ADAM32: variants seen among roughly 807,000 people sequenced by gnomAD.
ADAM32 encodes ADAM metallopeptidase domain 32.
In ADAM32, 89 loss-of-function variants were observed where a neutral mutation model predicts 114.9. The ratio of observed to expected loss-of-function variants is 0.77; its 90% CI spans 0.65 to 0.92. The LOEUF (loss-of-function observed/expected upper bound fraction) is 0.92, where lower values mean the gene tolerates loss of function less well. Among genes scored for constraint, ADAM32 ranks in the 40% least tolerant of loss-of-function variants. The probability of loss-of-function intolerance (pLI) is 0.00; values close to 1 mark genes in which losing one functional copy is unlikely to be tolerated. For missense variants in ADAM32, 870 were observed against 932.8 expected, an observed-to-expected ratio of 0.93 and a Z score of 0.88; for synonymous variants, 285 against 307.5, an observed-to-expected ratio of 0.93 and a Z score of 0.77.
intron 2 of ADAM32, among the ~76,000 whole-genome samples, chr8:39,132,272 A>T (rs181872005): frequency 3.3e-5 from 5 of 152,242 alleles, no homozygotes; most frequent in African/African-American, 1.2e-4. Flanking sequence ...GATCATTTGC[A>T]TCAAATATAG....
In ADAM32 at chr8:39,232,036, A is replaced by G. The variant is rs201876332; in HGVS notation, c.1535A>G (p.Asn512Ser). ...TTTCTAACTTTAACAGGTTCAAGAA[A>G]TGCTCCATTTGCCTGCTATGAAGAA... ...CESVFGKGSR[N>S]APFACYEEIQ... The change falls in exon 15 of 25, where the codon AAT (asparagine) becomes AGT (serine). Residue 512 changes from asparagine to serine, a missense_variant. Physicochemically the swap from Asn to Ser is conservative, Grantham distance 46. Transcript: ENST00000379907. 7.8e-5 allele frequency: 125 copies of G among 1,610,184 alleles called. No individual in the cohort carries two copies. The highest frequency in any genetic ancestry group is 1.0e-4 in the Non-Finnish European group (120 of 1,177,978).
chr8:39,190,054 G>A (rs542807632), intron 11 of ADAM32, among the ~76,000 whole-genome samples: 10 of 152,252 alleles, frequency 6.6e-5, no homozygotes, highest in African/African-American at 2.4e-4. Flanking sequence ...TCCTGACCTC[G>A]TGATCCGCCT....
chr8:39,158,893 ACT>A (rs1804322868), intron 6 of ADAM32, among the ~76,000 whole-genome samples: 2 of 151,490 alleles, frequency 1.3e-5, no homozygotes, highest in South Asian at 2.1e-4. Flanking sequence ...TTTTATGGAT[ACT>A]CTCTATTTGG....
intron 12 of ADAM32, chr8:39,220,876 T>C: frequency 6.6e-6 from 1 of 152,038 alleles, no homozygotes; most frequent in East Asian, 1.9e-4. Flanking sequence ...ATGAAAATAA[T>C]ATGTATTCTA....
chr8:39,204,201 C>G, intron 11 of ADAM32, among the ~76,000 whole-genome samples: 1 of 152,136 alleles, frequency 6.6e-6, no homozygotes, highest in Non-Finnish European at 1.5e-5. Flanking sequence ...TGGGGAAGTT[C>G]TCCTGGATAA....
rs936350412 is a variant in ADAM32 at position 39,270,699 on chromosome 8, G to A, written c.2163-177G>A. Among the ~76,000 whole-genome samples the A allele has an allele frequency of 2.0e-5, 3 of 151,976 alleles. No homozygotes were observed. The South Asian group carries it at 6.3e-4, about 32-fold the overall frequency. Reference sequence around the variant, plus strand: ...GCCCTTCTTATGGATGAGGTATATGGGTAAATAAAAATGTTATTTATTTGC... The same window carrying A: ...GCCCTTCTTATGGATGAGGTATATGAGTAAATAAAAATGTTATTTATTTGC... On this transcript the variant is annotated intron_variant, in intron 19 of 24. Coordinates refer to ENST00000379907, the MANE Select transcript of ADAM32 (RefSeq NM_145004.7).
chr8:39,129,102 C>G (rs985465976), intron 2 of ADAM32, among the ~76,000 whole-genome samples: 3 of 145,772 alleles, frequency 2.1e-5, no homozygotes, highest in Non-Finnish European at 3.0e-5. Flanking sequence ...CTAATTTGTT[C>G]ATTGGTTCTC....
intron 11 of ADAM32, among the ~76,000 whole-genome samples, chr8:39,200,356 A>C (rs1276131670): frequency 3.9e-5 from 6 of 152,072 alleles, no homozygotes; most frequent in Non-Finnish European, 8.8e-5. Flanking sequence ...TTTGATTTGC[A>C]TTTCTCTGAT....
At chr8:39,127,097 T>C (rs545328645) in intron 2 of ADAM32, among the ~76,000 whole-genome samples, 7 of 152,274 alleles carry the variant, frequency 4.6e-5, no homozygotes, top group Admixed American at 3.9e-4. Flanking sequence ...ATTTTTGCAC[T>C]GATTTTCATC....
chr8:39,204,108 T>G (rs1807642113), intron 11 of ADAM32, among the ~76,000 whole-genome samples: 1 of 152,160 alleles, frequency 6.6e-6, no homozygotes, highest in Non-Finnish European at 1.5e-5. Context: ...CAATTATGTG[T>G]CTTGGAGTTG....
At chr8:39,224,598 C>CT (rs531491616) in intron 14 of ADAM32, among the ~76,000 whole-genome samples, 21 of 150,248 alleles carry the variant, frequency 1.4e-4, no homozygotes, top group Non-Finnish European at 2.2e-4. Context: ...TTTGATTGGG[C>CT]TTTTTTTTTG....
chr8:39,178,594 A>C (rs1324054033), intron 10 of ADAM32, among the ~76,000 whole-genome samples: 2 of 152,176 alleles, frequency 1.3e-5, no homozygotes, highest in Non-Finnish European at 2.9e-5. Flanking sequence ...GAGCAGAGAC[A>C]TTCTGGCTTT....
intron 10 of ADAM32, among the ~76,000 whole-genome samples, chr8:39,179,133 C>T (rs185478115): frequency 3.7e-4 from 56 of 152,240 alleles, no homozygotes; most frequent in African/African-American, 1.2e-3. Context: ...AAGGCATAGT[C>T]GGCTGAACCA....
chr8:39,167,389 T>C (rs1259743551), intron 9 of ADAM32: 1 of 152,198 alleles, frequency 6.6e-6, no homozygotes, highest in Non-Finnish European at 1.5e-5. Context: ...TCTATTCTGT[T>C]CCATTGATCT....
intron 14 of ADAM32, among the ~76,000 whole-genome samples, chr8:39,228,506 T>G (rs1809539865): frequency 6.6e-6 from 1 of 152,042 alleles, no homozygotes; most frequent in African/African-American, 2.4e-5. Context: ...TTCTGGGAAT[T>G]TTGGACACAC....
At chr8:39,110,841 AT>A (rs1320572608) in intron 1 of ADAM32, among the ~76,000 whole-genome samples, 1 of 152,164 alleles carries the variant, frequency 6.6e-6, no homozygotes. Context: ...TTGCTCAGCA[AT>A]TTGGGGATGG....
intron 6 of ADAM32, among the ~76,000 whole-genome samples, chr8:39,159,387 A>C (rs191788486): frequency 1.6e-4 from 24 of 152,306 alleles, no homozygotes; most frequent in Non-Finnish European, 2.4e-4. Context: ...TTGACAACTC[A>C]CCCTTAGCCT....
chr8:39,199,761 TC>T (rs1229260812), intron 11 of ADAM32, among the ~76,000 whole-genome samples: 1 of 147,524 alleles, frequency 6.8e-6, no homozygotes, highest in Non-Finnish European at 1.5e-5. Context: ...CCTAATGCTA[TC>T]CCCCCCACCA....
chr8:39,200,401 G>A (rs1309215873), intron 11 of ADAM32, among the ~76,000 whole-genome samples: 4 of 152,126 alleles, frequency 2.6e-5, no homozygotes, highest in Non-Finnish European at 5.9e-5. Context: ...TCATGTGTCT[G>A]TTGGCCGCAT....
Sources: allele counts gnomAD v4.1 joint callset (sites outside exome capture counted in the v4.1 genomes callset), GRCh38; gene constraint gnomAD v4.1.1; transcripts MANE v1.5; gene names NCBI Gene and HGNC (gene_info 2026-07-23, HGNC 2026-07-21).